Variants in AGRN observed in about 807,000 individuals in gnomAD.
The protein encoded by AGRN is agrin.
Under a neutral mutation model 211.0 loss-of-function variants are expected in AGRN, and 106 were observed. That is an observed-to-expected ratio of 0.50 (90% CI 0.43 to 0.59). The LOEUF is 0.59. AGRN is among the 20% of genes least tolerant of loss of function. The probability of loss-of-function intolerance (pLI) is 0.00; values close to 1 mark genes in which losing one functional copy is unlikely to be tolerated. For missense variants in AGRN, 3,040 were observed against 2,982.6 expected (o/e 1.02, Z -0.45); for synonymous variants, 1,525 against 1,332.5 (o/e 1.14, Z -3.15).
chr1:1,040,889 G>C lies in AGRN; in HGVS notation c.727+9G>C. ...CAGCCGCGGGCCGTGCGGTGAGCGG[G>C]GCGGGGCCGGTGCCTGGGGCGGGGA... On this transcript the variant is annotated intron_variant, in intron 4 of 35. Coordinates refer to ENST00000379370, the MANE Select transcript of AGRN (RefSeq NM_198576.4). The C allele has an allele frequency of 6.8e-7, 1 of 1,472,602 alleles. No individual in the cohort carries two copies. Among genetic ancestry groups the C allele is most frequent in the Non-Finnish European group, 8.9e-7 (1 of 1,123,020 alleles). 91.2% of individuals were successfully genotyped at this position (1,472,602 alleles called of 1,614,324 possible).
At chr1:1,026,698 C>T (rs1331282170) in intron 2 of AGRN, among the ~76,000 whole-genome samples, 2 of 152,176 alleles carry the variant, frequency 1.3e-5, no homozygotes, top group East Asian at 3.9e-4. Context: ...GCCCCCGAAG[C>T]CCAGCGGGGC....
Position 1,048,023 on chromosome 1 carries a change from G to A in AGRN, c.3763G>A (p.Ala1255Thr). Residue 1255 changes from alanine (A) to threonine (T), a missense_variant, in exon 23 of 36, where the codon GCG (alanine) becomes ACG (threonine). Coordinates refer to ENST00000379370, the MANE Select transcript of AGRN (RefSeq NM_198576.4). This position sits in a 1 kb window ranked among gnomAD's most constrained non-coding sequence, Gnocchi z 5.9. Reference protein sequence around the residue: ...VRFMDFDWFPAFITGATSGAI... With the variant: ...VRFMDFDWFPTFITGATSGAI... ...CCCTGTGCCGGCAGACTGGTTTCCTGCGTTTATCACGGGGGCCACGTCAGG... is the reference window on the plus strand; with the variant it reads ...CCCTGTGCCGGCAGACTGGTTTCCTACGTTTATCACGGGGGCCACGTCAGG... 1 of 1,584,630 alleles carries A rather than the reference G, an allele frequency of 6.3e-7. No homozygotes were observed. The highest frequency in any genetic ancestry group is 8.6e-7 in the Non-Finnish European group (1 of 1,169,444).
intron 18 of AGRN, 21 bp downstream of exon 18, chr1:1,046,756 T>C (rs1557711309): frequency 6.4e-7 from 1 of 1,568,710 alleles, no homozygotes. Flanking sequence ...ATCAAGGACT[T>C]GGGGTGGGTG....
At chr1:1,034,031 A>T in intron 2 of AGRN, 8 of 758,746 alleles carry the variant, frequency 1.1e-5, no homozygotes, top group Non-Finnish European at 1.3e-5. Flanking sequence ...GGGGAGCTGG[A>T]GGGAGCCCGG....
intron 2 of AGRN, among the ~76,000 whole-genome samples, chr1:1,033,310 C>T (rs1422249105): frequency 1.3e-5 from 2 of 152,020 alleles, no homozygotes; most frequent in Non-Finnish European, 2.9e-5. Flanking sequence ...TGGGGCCCTC[C>T]CCCACCTACG....
At position 1,020,147 on chromosome 1, in the gene AGRN, C is replaced by T. The variant is rs771062355; in HGVS notation, c.-26C>T. 3.2e-6 allele frequency: 4 copies of T among 1,237,400 alleles called. No individual in the cohort carries two copies. The highest frequency in any genetic ancestry group is 4.2e-5 in the South Asian group (2 of 47,084). 76.7% of individuals were successfully genotyped at this position (1,237,400 alleles called of 1,614,324 possible). ...TCCCGTCCCCGGCGCGGCCCGCGCGCTCCTCCGCCGCCTCTCGCCTGCGCC... is the reference window on the plus strand; with the variant it reads ...TCCCGTCCCCGGCGCGGCCCGCGCGTTCCTCCGCCGCCTCTCGCCTGCGCC... On this transcript the variant is annotated 5_prime_UTR_variant, in exon 1 of 36. Transcript: ENST00000379370.
intron 2 of AGRN, among the ~76,000 whole-genome samples, chr1:1,027,272 G>A (rs1359644982): frequency 4.6e-5 from 7 of 152,224 alleles, no homozygotes; most frequent in Admixed American, 1.3e-4. Context: ...GTGTGTGCAC[G>A]TGCCTGCAGC....
intron 3 of AGRN, among the ~76,000 whole-genome samples, chr1:1,040,141 C>A (rs1413983073): frequency 6.6e-6 from 1 of 152,132 alleles, no homozygotes; most frequent in Non-Finnish European, 1.5e-5. Flanking sequence ...GCGACCCGGG[C>A]GGGAGGCGGC....
At position 1,051,386 on chromosome 1, in the gene AGRN, C is replaced by T. The variant is rs572488360; in HGVS notation, c.5370+17C>T. On this transcript the variant is annotated intron_variant, in intron 31 of 35. Transcript: ENST00000379370. The stretch of plus-strand genomic sequence containing the variant: ...ATCCAGCTGGTATGTGGGGGCGGGG[C>T]GTCCCAGCAGGGCCTCCGGGGCGGG... 43 of 1,496,544 alleles carry T rather than the reference C, an allele frequency of 2.9e-5. No individual in the cohort carries two copies. The East Asian group carries it at 3.2e-4, about 11-fold the overall frequency. The allele number at this position is 1,496,544 out of a possible 1,614,324, so 92.7% of individuals were successfully genotyped here. A position where few individuals can be genotyped will look rare whatever the true frequency, so the allele number is the denominator to read the frequency against.
chr1:1,035,446 G>C, intron 3 of AGRN, 122 bp downstream of exon 3: 1 of 1,327,682 alleles, frequency 7.5e-7, no homozygotes, highest in Non-Finnish European at 1.1e-6. Context: ...GGCTGGACAA[G>C]GGCACCTGCG....
Position 1,040,479 on chromosome 1 carries a change from C to CG in AGRN, c.512-182dup, listed in dbSNP as rs533583776. Among the ~76,000 whole-genome samples the CG allele has an allele frequency of 5.3e-5, 8 of 152,270 alleles. No individual in the cohort carries two copies. In the South Asian group the frequency reaches 1.5e-3, roughly 28 times the overall value. On this transcript the variant is annotated intron_variant, in intron 3 of 35. Coordinates refer to ENST00000379370, the MANE Select transcript of AGRN (RefSeq NM_198576.4). Reference sequence around the variant, plus strand: ...GGGGCTGGCGGGAATCCTCGGCGGGCGGGGTCTGCGAGGGGCAGGGCCGGT... The same window carrying CG: ...GGGGCTGGCGGGAATCCTCGGCGGGCGGGGGTCTGCGAGGGGCAGGGCCGGT...
rs781414656 is a variant in AGRN at position 1,046,007 on chromosome 1, C to T, written c.2724C>T (p.Phe908=). 99 of 1,613,830 alleles carry T rather than the reference C, an allele frequency of 6.1e-5. No homozygotes were observed. The highest frequency in any genetic ancestry group is 7.7e-5 in the Non-Finnish European group (91 of 1,180,020). The change falls in exon 16 of 36, where the codon TTC becomes TTT. Residue 908 remains phenylalanine, a synonymous_variant. Transcript: ENST00000379370. Reference sequence around the variant, plus strand: ...CCTGTGCGGAGATGCGCTGTGAGTTCGGTGCGCGGTGCGTGGAGGAGTCTG... The same window carrying T: ...CCTGTGCGGAGATGCGCTGTGAGTTTGGTGCGCGGTGCGTGGAGGAGTCTG... ...PATCAEMRCE[F]GARCVEESGS...
rs1455194065 is a variant in AGRN at position 1,043,294 on chromosome 1, T to C, written c.1440T>C (p.Ala480=). Residue 480 remains alanine (A), a synonymous_variant, in exon 8 of 36, where the codon GCT becomes GCC. Transcript: ENST00000379370. ...GVQCAFGATC[A]VKNGQAACEC... ...AGTGTGCATTTGGGGCGACGTGTGC[T>C]GTGAAGAACGGGCAGGCAGCGTGTG... The C allele has an allele frequency of 6.2e-7, 1 of 1,611,764 alleles. No homozygotes were observed. Among genetic ancestry groups the C allele is most frequent in the East Asian group, 2.2e-5 (1 of 44,804 alleles).
At position 1,051,820 on chromosome 1, in the gene AGRN, C is replaced by T. The variant is rs9803031; in HGVS notation, c.5651+5C>T. On this transcript the variant is annotated splice_donor_5th_base_variant and intron_variant, in intron 33 of 35. Coordinates refer to ENST00000379370, the MANE Select transcript of AGRN (RefSeq NM_198576.4). ...CCTCAACGCTGTGACCGAGAGGTAA[C>T]GTGCCATCCTCTGCTGGCTGTCGGT... The T allele has an allele frequency of 0.89, 1,438,389 of 1,613,352 alleles. 650,064 individuals are homozygous for T. Among genetic ancestry groups the T allele is most frequent in the East Asian group, 1 (44,739 of 44,854 alleles).
In AGRN at chr1:1,048,481, G is replaced by C. The variant is rs147010850; in HGVS notation, c.4105+116G>C. On this transcript the variant is annotated intron_variant, in intron 23 of 35. Coordinates refer to ENST00000379370, the MANE Select transcript of AGRN (RefSeq NM_198576.4). This position sits in a 1 kb window ranked among gnomAD's most constrained non-coding sequence, Gnocchi z 5.9. ...TGGGGGCAGGAGCCCGGATTAAGGC[G>C]GGGTTTCGGCCAGATGCGGTGGCTC... 173 of 954,900 alleles carry C rather than the reference G, an allele frequency of 1.8e-4. No homozygotes were observed. Among genetic ancestry groups the C allele is most frequent in the Middle Eastern group, 1.0e-3 (3 of 2,938 alleles). The allele number at this position is 954,900 out of a possible 1,614,324, so 59.2% of individuals were successfully genotyped here. A position where few individuals can be genotyped will look rare whatever the true frequency, so the allele number is the denominator to read the frequency against.
intron 34 of AGRN, 84 bp from the exon 35 acceptor site, chr1:1,054,364 C>T: frequency 1.6e-6 from 2 of 1,257,326 alleles, no homozygotes; most frequent in East Asian, 2.5e-5. Flanking sequence ...ACCTGCAGGG[C>T]ATAGGAAGGA....
rs1348654433 is a variant in AGRN at position 1,051,250 on chromosome 1, C to T, written c.5254-3C>T. The T allele has an allele frequency of 6.3e-7, 1 of 1,581,882 alleles. No individual in the cohort carries two copies. The highest frequency in any genetic ancestry group is 1.8e-5 in the Admixed American group (1 of 55,670). The stretch of plus-strand genomic sequence containing the variant: ...CACAGCCACTTACCTGGCGTCCCCG[C>T]AGGTTCCGCACACCGTCCTCAACCT... On this transcript the variant is annotated splice_region_variant and splice_polypyrimidine_tract_variant and intron_variant, in intron 30 of 35. Coordinates refer to ENST00000379370, the MANE Select transcript of AGRN (RefSeq NM_198576.4).
At position 1,021,480 on chromosome 1, in the gene AGRN, C is replaced by G. The variant is rs140810554; in HGVS notation, c.202-721C>G. Reference sequence around the variant, plus strand: ...GACAGGCCAACCATTGTCTCTCCCCCCATCCGGCAGCCCCAGCCCCCCAGA... The same window carrying G: ...GACAGGCCAACCATTGTCTCTCCCCGCATCCGGCAGCCCCAGCCCCCCAGA... On this transcript the variant is annotated intron_variant, in intron 1 of 35. Coordinates refer to ENST00000379370, the MANE Select transcript of AGRN (RefSeq NM_198576.4). Among the ~76,000 whole-genome samples, 196 of 152,376 alleles carry G rather than the reference C, an allele frequency of 1.3e-3. 1 individual carries two copies. Among genetic ancestry groups the G allele is most frequent in the African/African-American group, 4.5e-3 (188 of 41,594 alleles).
intron 15 of AGRN, 36 bp downstream of exon 15, chr1:1,045,912 G>A: frequency 6.2e-7 from 1 of 1,610,668 alleles, no homozygotes; most frequent in East Asian, 2.2e-5. Flanking sequence ...GGGCTTCATG[G>A]GGTGGGGTGG....
Sources: allele counts gnomAD v4.1 joint callset (sites outside exome capture counted in the v4.1 genomes callset), GRCh38; gene constraint gnomAD v4.1.1; non-coding constraint Gnocchi (gnomAD v3.1); transcripts MANE v1.5; gene names NCBI Gene and HGNC (gene_info 2026-07-23, HGNC 2026-07-21).